The following HS3ST3A1 variants were observed in gnomAD, a reference collection of about 807,000 sequenced individuals.
HS3ST3A1 encodes the protein heparan sulfate-glucosamine 3-sulfotransferase 3A1, also known as heparan sulfate glucosamine 3-O-sulfotransferase 3A1.
A neutral mutation model predicts 25.7 loss-of-function variants in HS3ST3A1; 19 were observed. The observed-to-expected ratio is 0.74, with a 90% confidence interval of 0.52 to 1.08. The LOEUF (loss-of-function observed/expected upper bound fraction) is 1.08. Among genes scored for constraint, HS3ST3A1 ranks in the 50% least tolerant of loss-of-function variants. The pLI, the probability that HS3ST3A1 is intolerant of heterozygous loss-of-function variation, is 0.00. For missense variants in HS3ST3A1, 459 were observed against 594.3 expected (o/e 0.77, Z 2.37); for synonymous variants, 226 against 278.6 (o/e 0.81, Z 1.88).
intron 1 of HS3ST3A1, among the ~76,000 whole-genome samples, chr17:13,540,861 C>T (rs1021193725): frequency 3.3e-5 from 5 of 152,194 alleles, no homozygotes; most frequent in Admixed American, 2.6e-4. Flanking sequence ...CTTATTTAAG[C>T]AGAGAAACTC....
chr17:13,600,797 C>A lies in HS3ST3A1; in HGVS notation c.333G>T (p.Ala111=). Residue 111 remains alanine (A), a synonymous_variant, in exon 1 of 2, where the codon GCG becomes GCT. Coordinates refer to ENST00000284110, the MANE Select transcript of HS3ST3A1 (RefSeq NM_006042.3). Reference sequence around the variant, plus strand: ...GGCCAGGGGACTCTTCTTCCCAGGCCGCCTCCTCGCCGTCGTCGCGGGGCG... The same window carrying A: ...GGCCAGGGGACTCTTCTTCCCAGGCAGCCTCCTCGCCGTCGTCGCGGGGCG... The part of the protein sequence containing the change: ...PPAPRDDGEE[A]AWEEESPGLS... 1 of 1,424,522 alleles carries A rather than the reference C, an allele frequency of 7.0e-7. No homozygotes were observed. Among genetic ancestry groups the A allele is most frequent in the South Asian group, 1.5e-5 (1 of 66,780 alleles). 88.2% of individuals were successfully genotyped at this position (1,424,522 alleles called of 1,614,324 possible). A position where few individuals can be genotyped will look rare whatever the true frequency, so the allele number is the denominator to read the frequency against.
At chr17:13,581,282 C>CA (rs1908104266) in intron 1 of HS3ST3A1, among the ~76,000 whole-genome samples, 1 of 152,034 alleles carries the variant, frequency 6.6e-6, no homozygotes, top group South Asian at 2.1e-4. Flanking sequence ...GCCTGGCCAA[C>CA]ATGGCAAAAC....
intron 1 of HS3ST3A1, among the ~76,000 whole-genome samples, chr17:13,522,985 C>T (rs1906297644): frequency 6.6e-6 from 1 of 151,740 alleles, no homozygotes; most frequent in African/African-American, 2.4e-5. Flanking sequence ...CTAAAACAGA[C>T]AGCTAGGGTG....
At position 13,553,598 on chromosome 17, in the gene HS3ST3A1, C is replaced by G. The variant is rs576381763; in HGVS notation, c.599+46933G>C. On this transcript the variant is annotated intron_variant, in intron 1 of 1. Transcript: ENST00000284110. ...TCAAATTCTGAACAGCAGTTCAAAT[C>G]CCCTGAATGTCTTCGATTTGATTCC... is the stretch of plus-strand genomic sequence containing the variant. Among the ~76,000 whole-genome samples, 34 of 152,268 alleles carry G rather than the reference C, an allele frequency of 2.2e-4. No individual in the cohort carries two copies. In the South Asian group the frequency reaches 2.3e-3, roughly 10 times the overall value.
chr17:13,600,812 G>C lies in HS3ST3A1; in HGVS notation c.318C>G (p.Asp106Glu). 1 of 1,414,898 alleles carries C rather than the reference G, an allele frequency of 7.1e-7. No individual in the cohort carries two copies. The highest frequency in any genetic ancestry group is 1.5e-5 in the South Asian group (1 of 64,774). The allele number at this position is 1,414,898 out of a possible 1,614,324, so 87.6% of individuals were successfully genotyped here. The change falls in exon 1 of 2, where the codon GAC (aspartate) becomes GAG (glutamate). Residue 106 changes from aspartate to glutamate, a missense_variant. Asp to Glu is a conservative substitution (Grantham distance 45, BLOSUM62 2). Around this residue, in one of 3 missense-constraint regions of HS3ST3A1, gnomAD observed 346 missense variants for 303.9 expected, o/e 1.14. Transcript: ENST00000284110. ...WRRRRPPAPR[D>E]DGEEAAWEEE... Reference sequence around the variant, plus strand: ...CTTCCCAGGCCGCCTCCTCGCCGTCGTCGCGGGGCGCGGGCGGCCGGCGCC... The same window carrying C: ...CTTCCCAGGCCGCCTCCTCGCCGTCCTCGCGGGGCGCGGGCGGCCGGCGCC...
chr17:13,560,021 G>A (rs55679449), intron 1 of HS3ST3A1, among the ~76,000 whole-genome samples: 9,375 of 151,670 alleles, frequency 0.062, 375 homozygotes, highest in Non-Finnish European at 0.085. Context: ...CGGGCGTGGT[G>A]GTTCACGCCT....
At chr17:13,576,324 T>C (rs1598430974) in intron 1 of HS3ST3A1, among the ~76,000 whole-genome samples, 1 of 152,202 alleles carries the variant, frequency 6.6e-6, no homozygotes, top group East Asian at 1.9e-4. Flanking sequence ...TTGAATAAGG[T>C]GGAAGAGTCA....
At chr17:13,548,803 C>G (rs1907161182) in intron 1 of HS3ST3A1, among the ~76,000 whole-genome samples, 1 of 152,086 alleles carries the variant, frequency 6.6e-6, no homozygotes, top group African/African-American at 2.4e-5. Context: ...CACCAATCAG[C>G]ACTCTGTAAA....
At chr17:13,594,713 T>C (rs926368412) in intron 1 of HS3ST3A1, among the ~76,000 whole-genome samples, 1 of 152,062 alleles carries the variant, frequency 6.6e-6, no homozygotes, top group Non-Finnish European at 1.5e-5. Context: ...GCCAAATCTC[T>C]TATTTCTCTC....
At chr17:13,507,116 A>C (rs1449820229) in intron 1 of HS3ST3A1, among the ~76,000 whole-genome samples, 3 of 151,930 alleles carry the variant, frequency 2.0e-5, no homozygotes, top group African/African-American at 7.2e-5. Flanking sequence ...CAGAAGATGA[A>C]GTTCATAGTC....
At chr17:13,535,401 C>G (rs1316442345) in intron 1 of HS3ST3A1, among the ~76,000 whole-genome samples, 1 of 152,122 alleles carries the variant, frequency 6.6e-6, no homozygotes, top group African/African-American at 2.4e-5. Context: ...AGTGCAAAAA[C>G]CAAGTCTCCA....
At chr17:13,555,076 C>A (rs904304557) in intron 1 of HS3ST3A1, among the ~76,000 whole-genome samples, 7 of 152,144 alleles carry the variant, frequency 4.6e-5, no homozygotes, top group African/African-American at 1.7e-4. Flanking sequence ...TCCCACGCTA[C>A]CTACCTCGTC....
intron 1 of HS3ST3A1, among the ~76,000 whole-genome samples, chr17:13,545,440 C>T (rs930514612): frequency 6.6e-6 from 1 of 152,156 alleles, no homozygotes; most frequent in Non-Finnish European, 1.5e-5. Context: ...CTGCCTTCAC[C>T]ATCTGAGAAA....
At chr17:13,571,494 T>C (rs1271224524) in intron 1 of HS3ST3A1, among the ~76,000 whole-genome samples, 4 of 152,178 alleles carry the variant, frequency 2.6e-5, no homozygotes, top group Admixed American at 6.5e-5. Context: ...GGTTACCAAC[T>C]GGCCAACCTC....
chr17:13,513,407 A>G (rs1169983128), intron 1 of HS3ST3A1, among the ~76,000 whole-genome samples: 1 of 152,200 alleles, frequency 6.6e-6, no homozygotes, highest in Non-Finnish European at 1.5e-5. Flanking sequence ...AACTTCAACA[A>G]CATTCAAAAA....
rs1215264537 is a variant in HS3ST3A1 at position 13,601,000 on chromosome 17, C to G, written c.130G>C (p.Glu44Gln). 1.3e-6 allele frequency: 2 copies of G among 1,578,244 alleles called. No individual in the cohort carries two copies. Among genetic ancestry groups the G allele is most frequent in the Admixed American group, 1.8e-5 (1 of 54,974 alleles). The change falls in exon 1 of 2, where the codon GAG becomes CAG. Residue 44 changes from glutamate to glutamine, a missense_variant. This residue lies in a region of HS3ST3A1 where 346 missense variants were observed against 303.9 expected (regional missense o/e 1.14). Transcript: ENST00000284110. The stretch of plus-strand genomic sequence containing the variant: ...GGGCCGGACAGGGTCTGGCAGCGCT[C>G]GGCCAGGCAGTAGAAGACGTAAAGG... The part of the protein sequence containing the change: ...TSLYVFYCLA[E>Q]RCQTLSGPVV...
chr17:13,580,017 A>G, intron 1 of HS3ST3A1, among the ~76,000 whole-genome samples: 1 of 152,016 alleles, frequency 6.6e-6, no homozygotes, highest in Non-Finnish European at 1.5e-5. Flanking sequence ...TAAAAACAAA[A>G]CAAAAGCAAG....
intron 1 of HS3ST3A1, among the ~76,000 whole-genome samples, chr17:13,572,886 T>G (rs1184139521): frequency 6.6e-6 from 1 of 152,178 alleles, no homozygotes; most frequent in African/African-American, 2.4e-5. Context: ...ATTGTATATA[T>G]TGAATTAGGG....
intron 1 of HS3ST3A1, among the ~76,000 whole-genome samples, chr17:13,526,853 A>G (rs1485311421): frequency 6.6e-6 from 1 of 151,716 alleles, no homozygotes; most frequent in Admixed American, 6.6e-5. Context: ...GAGTTTCTCC[A>G]TGTTGGTCAG....
Sources: gnomAD v4.1 joint callset for allele counts (sites outside exome capture counted in the v4.1 genomes callset) on GRCh38, gnomAD v4.1.1 for gene constraint, gnomAD v4.1.1 regional missense constraint, MANE v1.5 for transcripts, NCBI Gene and HGNC (gene_info 2026-07-23, HGNC 2026-07-21) for gene names.